The following GABBR2 variants were observed in gnomAD, a reference collection of about 807,000 sequenced individuals.
The protein encoded by GABBR2 is gamma-aminobutyric acid type B receptor subunit 2, also known as G-protein coupled receptor 51.
GABBR2 carries 23 observed loss-of-function variants against 105.6 expected under a neutral mutation model. That is an observed-to-expected ratio of 0.22 (90% CI 0.16 to 0.31). The LOEUF (loss-of-function observed/expected upper bound fraction) is 0.31. Ranked by LOEUF, GABBR2 falls within the 10% of genes least tolerant of loss-of-function variation. The probability of loss-of-function intolerance (pLI) is 1.00; values close to 1 mark genes in which losing one functional copy is unlikely to be tolerated. For missense variants in GABBR2, 734 were observed against 1,245.5 expected, an observed-to-expected ratio of 0.59 and a Z score of 6.18; for synonymous variants, 478 against 499.7, an observed-to-expected ratio of 0.96 and a Z score of 0.58.
rs147323210 is a variant in GABBR2 at position 98,499,977 on chromosome 9, C to A, written c.631-3463G>T. The stretch of plus-strand genomic sequence containing the variant: ...CTGAGGCAGGAGAATCACTTGAACC[C>A]CGGAGGCAGAGGTTGCAGTGAGCCA... On this transcript the variant is annotated intron_variant, in intron 3 of 18. Transcript: ENST00000259455. Among the ~76,000 whole-genome samples, 586 of 152,258 alleles carry A rather than the reference C, an allele frequency of 3.8e-3. 6 individuals are homozygous for A. The highest frequency in any genetic ancestry group is 0.014 in the Middle Eastern group (4 of 294).
At chr9:98,385,989 C>G (rs771291719) in intron 10 of GABBR2, among the ~76,000 whole-genome samples, 2 of 152,206 alleles carry the variant, frequency 1.3e-5, no homozygotes, top group African/African-American at 2.4e-5. Context: ...CACTCTGGAA[C>G]CTTCCCCTTA....
At chr9:98,505,532 G>C (rs871796) in intron 3 of GABBR2, among the ~76,000 whole-genome samples, 10,883 of 151,936 alleles carry the variant, frequency 0.072, 625 homozygotes, top group East Asian at 0.15. Context: ...AAAAAAGATA[G>C]GTCTAAGTTC....
chr9:98,592,533 T>C (rs909702223), intron 1 of GABBR2, among the ~76,000 whole-genome samples: 3 of 152,190 alleles, frequency 2.0e-5, no homozygotes, highest in African/African-American at 4.8e-5. Context: ...AAGTTCAAGA[T>C]TACATGACTG....
chr9:98,604,498 C>T (rs909605882), intron 1 of GABBR2, among the ~76,000 whole-genome samples: 4 of 152,164 alleles, frequency 2.6e-5, no homozygotes, highest in African/African-American at 9.7e-5. Context: ...CATGCTTTTC[C>T]CTTCTACCCA....
intron 2 of GABBR2, among the ~76,000 whole-genome samples, chr9:98,558,357 A>T (rs1828618406): frequency 6.6e-6 from 1 of 152,364 alleles, no homozygotes; most frequent in Non-Finnish European, 1.5e-5. Context: ...GATGGGGGCT[A>T]CTGAGAAGTG....
At chr9:98,526,012 G>A (rs1273290292) in intron 3 of GABBR2, among the ~76,000 whole-genome samples, 1 of 152,136 alleles carries the variant, frequency 6.6e-6, no homozygotes, top group Non-Finnish European at 1.5e-5. Context: ...GAAAATGAGT[G>A]GCTGCTAATG....
chr9:98,396,867 C>T (rs1832301342), intron 8 of GABBR2, among the ~76,000 whole-genome samples: 1 of 152,140 alleles, frequency 6.6e-6, no homozygotes, highest in Admixed American at 6.5e-5. Context: ...TGAAATAATA[C>T]TCAGCTTCCC....
intron 11 of GABBR2, among the ~76,000 whole-genome samples, chr9:98,376,905 G>C (rs1251654365): frequency 6.6e-6 from 1 of 152,110 alleles, no homozygotes; most frequent in East Asian, 1.9e-4. Context: ...TCCTCTGGGA[G>C]GAGAAATTTC....
At chr9:98,699,386 C>CTAAA (rs1164573691) in intron 1 of GABBR2, among the ~76,000 whole-genome samples, 15 of 152,048 alleles carry the variant, frequency 9.9e-5, no homozygotes, top group Admixed American at 9.2e-4. Context: ...CCCAAAAGCA[C>CTAAA]TAAATAATAA....
chr9:98,397,244 T>TA (rs1832309848), intron 8 of GABBR2, among the ~76,000 whole-genome samples: 1 of 152,216 alleles, frequency 6.6e-6, no homozygotes, highest in South Asian at 2.1e-4. Context: ...GGTGGGAAGT[T>TA]AAAGTCATTC....
intron 1 of GABBR2, among the ~76,000 whole-genome samples, chr9:98,626,361 TTAG>T (rs532638256): frequency 1.1e-3 from 162 of 152,310 alleles, no homozygotes; most frequent in Non-Finnish European, 2.2e-3. Context: ...TCAAAAACAC[TTAG>T]ATTACACATT....
intron 3 of GABBR2, among the ~76,000 whole-genome samples, chr9:98,534,404 G>T (rs1209124942): frequency 6.6e-6 from 1 of 152,178 alleles, no homozygotes; most frequent in Non-Finnish European, 1.5e-5. Flanking sequence ...GCCATGCAGT[G>T]GGGCTCCTGA....
chr9:98,334,922 G>A (rs531766150), intron 13 of GABBR2, among the ~76,000 whole-genome samples: 9 of 152,238 alleles, frequency 5.9e-5, no homozygotes, highest in African/African-American at 1.9e-4. Flanking sequence ...GTTCCTTTCC[G>A]AGCCACCATG....
At chr9:98,596,667 T>G (rs1479464742) in intron 1 of GABBR2, among the ~76,000 whole-genome samples, 1 of 152,212 alleles carries the variant, frequency 6.6e-6, no homozygotes, top group Non-Finnish European at 1.5e-5. Flanking sequence ...CTCACTATTT[T>G]GGGCCAATCT....
intron 2 of GABBR2, 143 bp from the exon 3 acceptor site, chr9:98,542,186 G>T (rs1828317209): frequency 1.1e-5 from 7 of 664,988 alleles, no homozygotes; most frequent in Non-Finnish European, 1.7e-5. Flanking sequence ...CTTTTTTATT[G>T]TAAGAGTAAC....
At chr9:98,643,346 G>A (rs2131838988) in intron 1 of GABBR2, among the ~76,000 whole-genome samples, 1 of 142,452 alleles carries the variant, frequency 7.0e-6, no homozygotes, top group South Asian at 2.2e-4. Flanking sequence ...TTTCCTCCAT[G>A]GAATCTGCTT....
intron 2 of GABBR2, among the ~76,000 whole-genome samples, chr9:98,562,688 T>A (rs1035440189): frequency 6.6e-6 from 1 of 152,180 alleles, no homozygotes; most frequent in Non-Finnish European, 1.5e-5. Context: ...ATGATGTTCA[T>A]TGTACTTTAA....
At position 98,352,713 on chromosome 9, in the gene GABBR2, G is replaced by C. The variant is rs149984095; in HGVS notation, c.1893+10002C>G. ...GCATCCCCAGGCAGGCAATTCTCAG[G>C]CTCTGGGGAGAGCATGCTTTGGGTC... On this transcript the variant is annotated intron_variant, in intron 13 of 18. Transcript: ENST00000259455. 8.7e-4 allele frequency among the ~76,000 whole-genome samples: 132 copies of C among 152,226 alleles called. 3 individuals carry two copies. In the East Asian group the frequency reaches 0.019, roughly 22 times the overall value.
chr9:98,328,719 T>C (rs1830968199), intron 13 of GABBR2, among the ~76,000 whole-genome samples: 1 of 152,204 alleles, frequency 6.6e-6, no homozygotes, highest in Admixed American at 6.5e-5. Context: ...TAAATAGGCC[T>C]TGACTTACTG....
Sources: allele counts gnomAD v4.1 joint callset (sites outside exome capture counted in the v4.1 genomes callset), GRCh38; gene constraint gnomAD v4.1.1; transcripts MANE v1.5; gene names NCBI Gene and HGNC (gene_info 2026-07-23, HGNC 2026-07-21).